KCNQ3: variants seen among roughly 807,000 people sequenced by gnomAD.
The protein encoded by KCNQ3 is potassium voltage-gated channel subfamily KQT member 3.
In KCNQ3, 30 loss-of-function variants were observed where a neutral mutation model predicts 92.5. The observed-to-expected ratio is 0.32, with a 90% CI of 0.24 to 0.44. The LOEUF (loss-of-function observed/expected upper bound fraction) is 0.44. Among genes scored for constraint, KCNQ3 ranks in the 20% least tolerant of loss-of-function variants. KCNQ3 has a pLI of 1.00. For synonymous variants in KCNQ3, 450 were observed against 468.8 expected (o/e 0.96, Z 0.52); for missense variants, 913 against 1,140.3 (o/e 0.80, Z 2.87).
chr8:132,174,125 G>C, intron 6 of KCNQ3, 114 bp downstream of exon 6: 1 of 781,574 alleles, frequency 1.3e-6, no homozygotes, highest in East Asian at 2.7e-5. Context: ...GGAATGGCTA[G>C]GGAGTTGGTA....
At chr8:132,426,122 A>G (rs1821101235) in intron 1 of KCNQ3, among the ~76,000 whole-genome samples, 1 of 152,236 alleles carries the variant, frequency 6.6e-6, no homozygotes, top group South Asian at 2.1e-4. Context: ...TTTGGAGTCC[A>G]ACAGCCCTGG....
chr8:132,138,212 C>T (rs1825170530), intron 11 of KCNQ3, among the ~76,000 whole-genome samples, 196 bp from the exon 12 acceptor site: 1 of 152,136 alleles, frequency 6.6e-6, no homozygotes, highest in Non-Finnish European at 1.5e-5. Context: ...AGGATTACTC[C>T]CTTCAATCAT....
chr8:132,392,712 G>A (rs1478039078), intron 1 of KCNQ3, among the ~76,000 whole-genome samples: 5 of 140,984 alleles, frequency 3.5e-5, no homozygotes, highest in Non-Finnish European at 6.0e-5. Context: ...GAGGCGGGAG[G>A]ATCACTTGGG....
intron 1 of KCNQ3, among the ~76,000 whole-genome samples, chr8:132,352,808 G>C (rs1023118137): frequency 6.6e-6 from 1 of 152,128 alleles, no homozygotes; most frequent in African/African-American, 2.4e-5. Context: ...GGTTCCTATA[G>C]TTAGGGTTAT....
intron 1 of KCNQ3, among the ~76,000 whole-genome samples, chr8:132,380,099 G>C (rs1411056577): frequency 6.6e-6 from 1 of 152,028 alleles, no homozygotes. Flanking sequence ...CATTGGCCTG[G>C]GTATGAGAAA....
intron 1 of KCNQ3, among the ~76,000 whole-genome samples, chr8:132,279,242 C>G (rs1816439021): frequency 6.6e-6 from 1 of 152,076 alleles, no homozygotes; most frequent in Non-Finnish European, 1.5e-5. Flanking sequence ...TGCTTAGATC[C>G]TAACCGCCAG....
chr8:132,202,147 A>G (rs1412370001), intron 1 of KCNQ3, among the ~76,000 whole-genome samples: 3 of 151,992 alleles, frequency 2.0e-5, no homozygotes, highest in African/African-American at 7.2e-5. Flanking sequence ...GGGAGCAGAG[A>G]CCTAAGGCAG....
chr8:132,415,389 T>C (rs1820767762), intron 1 of KCNQ3, among the ~76,000 whole-genome samples: 1 of 152,152 alleles, frequency 6.6e-6, no homozygotes, highest in Non-Finnish European at 1.5e-5. Context: ...TCCTCTAACA[T>C]GGTGCTTAGA....
chr8:132,449,981 TCA>T (rs1269195887), intron 1 of KCNQ3, among the ~76,000 whole-genome samples: 32 of 152,202 alleles, frequency 2.1e-4, no homozygotes, highest in Non-Finnish European at 3.4e-4. Context: ...TCCACTGGGT[TCA>T]CAGTCTTGCT....
At chr8:132,133,354 C>CTTTTTTTTTTTTTTTTTTTTTTTTTTTT (rs10673519) in intron 13 of KCNQ3, among the ~76,000 whole-genome samples, 1 of 103,478 alleles carries the variant, frequency 9.7e-6, no homozygotes, top group Non-Finnish European at 1.8e-5. Context: ...GCTCTCGATT[C>CTTTTTTTTTTTTTTTTTTTTTTTTTTTT]TTTTTTTTTT....
rs758278486 is a variant in KCNQ3 at position 132,187,202 on chromosome 8, C to CT, written c.387-1022dup. The CT allele has an allele frequency of 4.4e-5, 20 of 455,872 alleles. No individual in the cohort carries two copies. The Middle Eastern group carries it at 2.6e-3, about 59-fold the overall frequency. 28.2% of individuals were successfully genotyped at this position (455,872 alleles called of 1,614,324 possible). Reference sequence around the variant, plus strand: ...CTACTCTACTTAGGTTCTACCCATGCTTTTTTGGCTTTTGTTCATTCATTC... The same window carrying CT: ...CTACTCTACTTAGGTTCTACCCATGCTTTTTTTGGCTTTTGTTCATTCATTC... On this transcript the variant is annotated intron_variant, in intron 1 of 14. Transcript: ENST00000388996.
At chr8:132,334,075 G>A (rs1818301286) in intron 1 of KCNQ3, among the ~76,000 whole-genome samples, 1 of 152,102 alleles carries the variant, frequency 6.6e-6, no homozygotes, top group African/African-American at 2.4e-5. Flanking sequence ...TGTACCAGCT[G>A]GGAAGTCATC....
In KCNQ3 at chr8:132,168,292, C is replaced by A. The variant is rs1233449161; in HGVS notation, c.1235+2042G>T. Among the ~76,000 whole-genome samples, 4 of 152,314 alleles carry A rather than the reference C, an allele frequency of 2.6e-5. No homozygotes were observed. In the East Asian group the frequency reaches 7.7e-4, roughly 29 times the overall value. On this transcript the variant is annotated intron_variant, in intron 8 of 14. Transcript: ENST00000388996. ...ATAGATCCATCCTCCACACTCTTTG[C>A]TATCATCTTCCTGAAAAGTAGATCT...
intron 1 of KCNQ3, among the ~76,000 whole-genome samples, chr8:132,274,135 G>A (rs796192580): frequency 6.6e-5 from 10 of 152,206 alleles, no homozygotes; most frequent in African/African-American, 1.7e-4. Flanking sequence ...CCATTTTCAC[G>A]TTGCTGATAA....
chr8:132,433,687 C>T (rs1485804740), intron 1 of KCNQ3, among the ~76,000 whole-genome samples: 4 of 149,224 alleles, frequency 2.7e-5, no homozygotes, highest in East Asian at 2.0e-4. Context: ...ATCAGGAGTT[C>T]GAGACCAGCC....
chr8:132,225,848 T>C (rs2163607), intron 1 of KCNQ3, among the ~76,000 whole-genome samples: 63,315 of 152,026 alleles, frequency 0.42, 13,708 homozygotes, highest in Non-Finnish European at 0.49. Context: ...ATTGGTTGCC[T>C]TGGAAATAAT....
intron 1 of KCNQ3, among the ~76,000 whole-genome samples, chr8:132,466,536 A>C (rs1241164780): frequency 6.6e-6 from 1 of 152,178 alleles, no homozygotes; most frequent in Non-Finnish European, 1.5e-5. Context: ...TCTAGATGGC[A>C]TTCCAGGGTC....
At chr8:132,413,707 C>G (rs916542170) in intron 1 of KCNQ3, among the ~76,000 whole-genome samples, 40 of 152,352 alleles carry the variant, frequency 2.6e-4, no homozygotes, top group African/African-American at 8.2e-4. Flanking sequence ...GAAAATACCC[C>G]CTTTCTTCCA....
At chr8:132,393,153 C>T (rs959924633) in intron 1 of KCNQ3, among the ~76,000 whole-genome samples, 1 of 152,164 alleles carries the variant, frequency 6.6e-6, no homozygotes, top group Admixed American at 6.5e-5. Context: ...TGTTTAAATG[C>T]CACCTCAAGG....
Sources: gnomAD v4.1 joint callset for allele counts (sites outside exome capture counted in the v4.1 genomes callset) on GRCh38, gnomAD v4.1.1 for gene constraint, MANE v1.5 for transcripts, NCBI Gene and HGNC (gene_info 2026-07-23, HGNC 2026-07-21) for gene names.